Variants in MLST8 observed in about 807,000 individuals in gnomAD.
The protein encoded by MLST8 is MTOR associated protein MLST8.
MLST8 carries 20 observed loss-of-function variants against 41.3 expected under a neutral mutation model. That is an observed-to-expected ratio of 0.48 (90% CI 0.34 to 0.70). The LOEUF (loss-of-function observed/expected upper bound fraction) is 0.70. Ranked by LOEUF, MLST8 falls within the 30% of genes least tolerant of loss-of-function variation. The probability of loss-of-function intolerance (pLI) is 0.01; values close to 1 mark genes in which losing one functional copy is unlikely to be tolerated. For synonymous variants in MLST8, 243 were observed against 183.0 expected (o/e 1.33, Z -2.65); for missense variants, 422 against 454.3 (o/e 0.93, Z 0.65).
intron 4 of MLST8, 45 bp downstream of exon 4, chr16:2,206,704 C>T (rs759779861): frequency 8.1e-6 from 13 of 1,597,008 alleles, no homozygotes; most frequent in Non-Finnish European, 1.1e-5. Context: ...GGGTGGGCTG[C>T]TCTGGGAGAC....
chr16:2,207,287 C>A lies in MLST8; in HGVS notation c.515C>A (p.Ser172Tyr), dbSNP rs1281721124. 1 of 1,614,210 alleles carries A rather than the reference C, an allele frequency of 6.2e-7. No individual in the cohort carries two copies. The highest frequency in any genetic ancestry group is 1.1e-5 in the South Asian group (1 of 91,088). ...CAGCTGATCCCTGAGCCCGAGGTCTCCATCACGTCCGCCCACATCGATCCC... is the reference window on the plus strand; with the variant it reads ...CAGCTGATCCCTGAGCCCGAGGTCTACATCACGTCCGCCCACATCGATCCC... ...NEQLIPEPEV[S>Y]ITSAHIDPDA... Residue 172 changes from serine to tyrosine, a missense_variant, in exon 6 of 9, where the codon TCC becomes TAC. Ser to Tyr is a moderately radical substitution (Grantham distance 144). Transcript: ENST00000569417.
chr16:2,206,427 T>A lies in MLST8; in HGVS notation c.181+18T>A, dbSNP rs1567274152. 1 of 1,614,064 alleles carries A rather than the reference T, an allele frequency of 6.2e-7. No homozygotes were observed. The highest frequency in any genetic ancestry group is 8.5e-7 in the Non-Finnish European group (1 of 1,179,978). On this transcript the variant is annotated intron_variant, in intron 3 of 8. Coordinates refer to ENST00000569417, the MANE Select transcript of MLST8 (RefSeq NM_022372.6). ...TGCTGCAGGTATCTGTGATCCTTGA[T>A]CTCTAAACTCCTGAGCTCTGGTGGG...
At position 2,207,103 on chromosome 16, in the gene MLST8, C is replaced by T. The variant is rs2093306761; in HGVS notation, c.413C>T (p.Pro138Leu). 1 of 1,613,616 alleles carries T rather than the reference C, an allele frequency of 6.2e-7. No homozygotes were observed. Among genetic ancestry groups the T allele is most frequent in the Non-Finnish European group, 8.5e-7 (1 of 1,179,760 alleles). ...NAPINCVCLH[P>L]NQAELIVGDQ... ...CCCATTAACTGCGTGTGCCTGCACC[C>T]CAACCAGGTGAGGGGTGCTCATGGG... The change falls in exon 5 of 9, where the codon CCC (proline) becomes CTC (leucine). Residue 138 changes from proline to leucine, a missense_variant. Physicochemically the swap from Pro to Leu is moderately conservative, Grantham distance 98. Coordinates refer to ENST00000569417, the MANE Select transcript of MLST8 (RefSeq NM_022372.6).
At chr16:2,208,679 C>G in intron 8 of MLST8, 66 bp downstream of exon 8, 3 of 1,612,756 alleles carry the variant, frequency 1.9e-6, no homozygotes, top group Middle Eastern at 1.7e-4. Context: ...CAGCCCACCT[C>G]GGCTGCAGCT....
chr16:2,208,939 C>G lies in MLST8; in HGVS notation c.*62C>G. On this transcript the variant is annotated 3_prime_UTR_variant, in exon 9 of 9. Transcript: ENST00000569417. ...GCAGCTGGAGGGACCCATGCAGCAC[C>G]CAGGTCAGAGCAGACCCTCCCCTGC... is the stretch of plus-strand genomic sequence containing the variant. 1.3e-6 allele frequency: 2 copies of G among 1,572,744 alleles called. No individual in the cohort carries two copies. Among genetic ancestry groups the G allele is most frequent in the South Asian group, 1.1e-5 (1 of 89,926 alleles).
Position 2,208,841 on chromosome 16 carries a change from T to C in MLST8, c.945T>C (p.Val315=), listed in dbSNP as rs2093351859. Residue 315 remains valine, a synonymous_variant, in exon 9 of 9, where the codon GTT becomes GTC. Transcript: ENST00000569417. The part of the protein sequence containing the change: ...KREYGGHQKA[V]VCLAFNDSVL... ...AGTATGGCGGCCACCAGAAGGCTGT[T>C]GTCTGCCTGGCCTTCAATGACAGTG... 1.2e-6 allele frequency: 2 copies of C among 1,613,750 alleles called. No homozygotes were observed. The highest frequency in any genetic ancestry group is 4.5e-5 in the East Asian group (2 of 44,888).
rs771982124 is a variant in MLST8 at position 2,206,400 on chromosome 16, G to A, written c.172G>A (p.Ala58Thr). 1.2e-6 allele frequency: 2 copies of A among 1,614,152 alleles called. No individual in the cohort carries two copies. The highest frequency in any genetic ancestry group is 1.7e-6 in the Non-Finnish European group (2 of 1,179,996). Residue 58 changes from alanine (A) to threonine (T), a missense_variant, in exon 3 of 9, where the codon GCT (alanine) becomes ACT (threonine). By Grantham distance (58) the Ala-to-Thr change is moderately conservative (BLOSUM62 0). Coordinates refer to ENST00000569417, the MANE Select transcript of MLST8 (RefSeq NM_022372.6). ...LEVTPDRSMI[A>T]AAGYQHIRMY... is the part of the protein sequence containing the mutation. ...GGTCACACCGGACCGCAGCATGATTGCTGCTGCAGGTATCTGTGATCCTTG... is the reference window on the plus strand; with the variant it reads ...GGTCACACCGGACCGCAGCATGATTACTGCTGCAGGTATCTGTGATCCTTG...
chr16:2,206,261 G>T, intron 2 of MLST8, 47 bp downstream of exon 2: 1 of 1,601,488 alleles, frequency 6.2e-7, no homozygotes. Context: ...GGGATGCCTC[G>T]TGTGGGGACC....
At position 2,209,432 on chromosome 16, in the gene MLST8, TAAATCAGCC is replaced by T. The variant is rs976812717; in HGVS notation, c.*556_*564del. Reference sequence around the variant, plus strand: ...CGGGAAGCAGATGTCGATGCAGAGATAAATCAGCCGCTGTCTCCGGGGCCCTGTGGCGAG... The same window carrying T: ...CGGGAAGCAGATGTCGATGCAGAGATGCTGTCTCCGGGGCCCTGTGGCGAG... On this transcript the variant is annotated 3_prime_UTR_variant, in exon 9 of 9. Coordinates refer to ENST00000569417, the MANE Select transcript of MLST8 (RefSeq NM_022372.6). 6.2e-7 allele frequency: 1 copy of T among 1,613,614 alleles called. No individual in the cohort carries two copies. The highest frequency in any genetic ancestry group is 8.5e-7 in the Non-Finnish European group (1 of 1,180,002).
chr16:2,205,599 G>A, intron 1 of MLST8, 87 bp downstream of exon 1: 2 of 853,274 alleles, frequency 2.3e-6, no homozygotes, highest in Non-Finnish European at 2.8e-6. Flanking sequence ...GCAGGACGGA[G>A]CAAGGGCGGT....
rs2093293480 is a variant in MLST8 at position 2,206,537 on chromosome 16, C to T, written c.222C>T (p.Asn74=). 5 of 1,613,870 alleles carry T rather than the reference C, an allele frequency of 3.1e-6. No homozygotes were observed. The highest frequency in any genetic ancestry group is 4.2e-6 in the Non-Finnish European group (5 of 1,179,824). Residue 74 remains asparagine, a synonymous_variant, in exon 4 of 9, where the codon AAC becomes AAT. Coordinates refer to ENST00000569417, the MANE Select transcript of MLST8 (RefSeq NM_022372.6). ...GCATGTATGATCTCAACTCCAATAA[C>T]CCTAACCCCATCATCAGCTACGACG... ...HIRMYDLNSN[N]PNPIISYDGV...
Position 2,206,416 on chromosome 16 carries a change from G to C in MLST8, c.181+7G>C, listed in dbSNP as rs1223662570. On this transcript the variant is annotated splice_region_variant and intron_variant, in intron 3 of 8. Transcript: ENST00000569417. Reference sequence around the variant, plus strand: ...AGCATGATTGCTGCTGCAGGTATCTGTGATCCTTGATCTCTAAACTCCTGA... The same window carrying C: ...AGCATGATTGCTGCTGCAGGTATCTCTGATCCTTGATCTCTAAACTCCTGA... 2 of 1,614,166 alleles carry C rather than the reference G, an allele frequency of 1.2e-6. No homozygotes were observed. Among genetic ancestry groups the C allele is most frequent in the Non-Finnish European group, 1.7e-6 (2 of 1,180,026 alleles).
At chr16:2,208,707 G>A (rs777944864) in intron 8 of MLST8, 52 bp from the exon 9 acceptor site, 31 of 1,613,116 alleles carry the variant, frequency 1.9e-5, no homozygotes, top group Middle Eastern at 1.6e-4. Flanking sequence ...TGCTGGGGCC[G>A]CCTGCTTGGC....
chr16:2,205,811 G>T lies in MLST8; in HGVS notation c.-55-220G>T, dbSNP rs745801054. The stretch of plus-strand genomic sequence containing the variant: ...CCTGCCGGCTGCGGAGGTGGGGGGG[G>T]GACGGCGCCCCCGCCGTGTGCGTGG... On this transcript the variant is annotated intron_variant, in intron 1 of 8. Transcript: ENST00000569417. 17 of 1,124,240 alleles carry T rather than the reference G, an allele frequency of 1.5e-5. No individual in the cohort carries two copies. The South Asian group carries it at 5.2e-4, about 34-fold the overall frequency. The allele number at this position is 1,124,240 out of a possible 1,614,324, so 69.6% of individuals were successfully genotyped here.
Position 2,207,081 on chromosome 16 carries a change from A to C in MLST8, c.391A>C (p.Ile131Leu), listed in dbSNP as rs2093306188. Residue 131 changes from isoleucine to leucine, a missense_variant, in exon 5 of 9, where the codon ATT becomes CTT. Transcript: ENST00000569417. ...CQRIFQVNAP[I>L]NCVCLHPNQA... Reference sequence around the variant, plus strand: ...GCGGATCTTCCAGGTGAACGCACCCATTAACTGCGTGTGCCTGCACCCCAA... The same window carrying C: ...GCGGATCTTCCAGGTGAACGCACCCCTTAACTGCGTGTGCCTGCACCCCAA... 1 of 1,613,780 alleles carries C rather than the reference A, an allele frequency of 6.2e-7. No individual in the cohort carries two copies. The highest frequency in any genetic ancestry group is 8.5e-7 in the Non-Finnish European group (1 of 1,179,984).
rs762224777 is a variant in MLST8, at chr16:2,206,075, C to T, written c.-11C>T. The stretch of plus-strand genomic sequence containing the variant: ...CTGCCGTTCAGCTCTAGGGCCCGTG[C>T]AGGCCACACCATGAACACCTCCCCA... On this transcript the variant is annotated 5_prime_UTR_variant, in exon 2 of 9. Coordinates refer to ENST00000569417, the MANE Select transcript of MLST8 (RefSeq NM_022372.6). The T allele has an allele frequency of 2.5e-6, 4 of 1,587,652 alleles. No individual in the cohort carries two copies. Among genetic ancestry groups the T allele is most frequent in the Non-Finnish European group, 3.4e-6 (4 of 1,163,728 alleles).
In MLST8 at chr16:2,209,250, A is replaced by G. The variant is rs990581176; in HGVS notation, c.*373A>G. 9 of 998,712 alleles carry G rather than the reference A, an allele frequency of 9.0e-6. No homozygotes were observed. Among genetic ancestry groups the G allele is most frequent in the South Asian group, 1.5e-5 (1 of 64,772 alleles). The allele number at this position is 998,712 out of a possible 1,614,324, so 61.9% of individuals were successfully genotyped here. ...TCGGTCCATAGAGAACACCACCACC[A>G]TGGCCAGGTGGAAGGGTTTATTAGT... is the stretch of plus-strand genomic sequence containing the variant. On this transcript the variant is annotated 3_prime_UTR_variant, in exon 9 of 9. Transcript: ENST00000569417.
chr16:2,208,708 C>T (rs747143684), intron 8 of MLST8, 51 bp from the exon 9 acceptor site: 13 of 1,613,428 alleles, frequency 8.1e-6, no homozygotes, highest in Admixed American at 3.3e-5. Context: ...GCTGGGGCCG[C>T]CTGCTTGGCC....
chr16:2,206,084 C>G lies in MLST8; in HGVS notation c.-2C>G, dbSNP rs1596710651. 6.3e-7 allele frequency: 1 copy of G among 1,596,914 alleles called. No individual in the cohort carries two copies. Among genetic ancestry groups the G allele is most frequent in the Non-Finnish European group, 8.6e-7 (1 of 1,168,900 alleles). ...AGCTCTAGGGCCCGTGCAGGCCACACCATGAACACCTCCCCAGGCACGGTG... is the reference window on the plus strand; with the variant it reads ...AGCTCTAGGGCCCGTGCAGGCCACAGCATGAACACCTCCCCAGGCACGGTG... On this transcript the variant is annotated 5_prime_UTR_variant, in exon 2 of 9. Coordinates refer to ENST00000569417, the MANE Select transcript of MLST8 (RefSeq NM_022372.6).
Sources: gnomAD v4.1 joint callset for allele counts on GRCh38, gnomAD v4.1.1 for gene constraint, MANE v1.5 for transcripts, NCBI Gene and HGNC (gene_info 2026-07-23, HGNC 2026-07-21) for gene names.